Variants in CACNA1A observed in about 807,000 individuals in gnomAD.
The protein encoded by CACNA1A is calcium voltage-gated channel subunit alpha1 A.
CACNA1A carries 57 observed loss-of-function variants against 262.4 expected under a neutral mutation model. That is an observed-to-expected ratio of 0.22 (90% CI 0.18 to 0.27). The LOEUF (loss-of-function observed/expected upper bound fraction) is 0.27. Among genes scored for constraint, CACNA1A ranks in the 10% least tolerant of loss-of-function variants. The pLI, the probability that CACNA1A is intolerant of heterozygous loss-of-function variation, is 1.00. For missense variants in CACNA1A, 2,526 were observed against 3,562.8 expected, an observed-to-expected ratio of 0.71 and a Z score of 7.41; for synonymous variants, 1,431 against 1,419.3, an observed-to-expected ratio of 1.01 and a Z score of -0.18.
Position 13,214,483 on chromosome 19 carries a change from G to A in CACNA1A, c.5839+18C>T. 6.3e-7 allele frequency: 1 copy of A among 1,598,010 alleles called. No homozygotes were observed. The highest frequency in any genetic ancestry group is 2.2e-5 in the East Asian group (1 of 44,800). ...CTGTCCTGGTGGATTGGATCCCAGG[G>A]CTGGGCTCAGCTCTTACACTTGTGA... On this transcript the variant is annotated intron_variant, in intron 39 of 46. Transcript: ENST00000360228. This position sits in a 1 kb window ranked among gnomAD's most constrained non-coding sequence, Gnocchi z 4.1.
intron 46 of CACNA1A, 93 bp from the exon 47 acceptor site, chr19:13,208,146 G>A: frequency 4.6e-6 from 2 of 431,820 alleles, no homozygotes; most frequent in Non-Finnish European, 6.2e-6. Flanking sequence ...GGAGCGAAGG[G>A]AGAGGGGCCG....
intron 28 of CACNA1A, chr19:13,256,490 T>C (rs1047084944): frequency 6.6e-6 from 1 of 152,040 alleles, no homozygotes; most frequent in Admixed American, 6.6e-5. Context: ...GACTGGATTT[T>C]CTTTCCTTTT....
chr19:13,490,684 GAA>G (rs1246807711), intron 1 of CACNA1A, among the ~76,000 whole-genome samples: 3 of 95,984 alleles, frequency 3.1e-5, no homozygotes, highest in South Asian at 7.3e-4. Flanking sequence ...GAGAGAGAGA[GAA>G]AGAAAGGAAA....
At chr19:13,391,697 G>C (rs1236146751) in intron 3 of CACNA1A, among the ~76,000 whole-genome samples, 1 of 152,068 alleles carries the variant, frequency 6.6e-6, no homozygotes, top group Non-Finnish European at 1.5e-5. Flanking sequence ...AGGAGTTCAA[G>C]ACCAGCCTAG....
At chr19:13,336,598 A>AGAGAGGGAGG (rs757141936) in intron 6 of CACNA1A, among the ~76,000 whole-genome samples, 2 of 102,346 alleles carry the variant, frequency 2.0e-5, no homozygotes, top group Admixed American at 9.1e-5. Context: ...AGAGAGGGAG[A>AGAGAGGGAGG]GAGAGAGAGA....
intron 21 of CACNA1A, 113 bp from the exon 22 acceptor site, chr19:13,283,509 C>T (rs1568491969): frequency 7.3e-7 from 1 of 1,376,746 alleles, no homozygotes; most frequent in East Asian, 2.5e-5. Context: ...CCCCCAAGGC[C>T]TCCTACACAA....
At chr19:13,337,958 G>C (rs962063847) in intron 6 of CACNA1A, among the ~76,000 whole-genome samples, 1 of 152,152 alleles carries the variant, frequency 6.6e-6, no homozygotes, top group Non-Finnish European at 1.5e-5. Context: ...GGTGGCTCAC[G>C]CCTGCAATCC....
At chr19:13,441,011 C>A (rs2060709521) in intron 3 of CACNA1A, among the ~76,000 whole-genome samples, 2 of 152,116 alleles carry the variant, frequency 1.3e-5, no homozygotes, top group African/African-American at 2.4e-5. Context: ...TGGAGTTTCA[C>A]CATGTTGCCC....
At chr19:13,227,552 AC>A (rs753095102) in intron 36 of CACNA1A, 25 bp from the exon 37 acceptor site, 2 of 1,389,498 alleles carry the variant, frequency 1.4e-6, no homozygotes, top group South Asian at 1.3e-5. Context: ...AATGAAAAAA[AC>A]AAAAACAAAA....
At chr19:13,419,562 A>C (rs925979167) in intron 3 of CACNA1A, among the ~76,000 whole-genome samples, 2 of 152,152 alleles carry the variant, frequency 1.3e-5, no homozygotes, top group South Asian at 2.1e-4. Flanking sequence ...CTGTGGTTCC[A>C]GCTACTCTGG....
At chr19:13,386,235 G>A (rs1350801226) in intron 3 of CACNA1A, among the ~76,000 whole-genome samples, 1 of 151,730 alleles carries the variant, frequency 6.6e-6, no homozygotes, top group Non-Finnish European at 1.5e-5. Context: ...CTTACTGGCA[G>A]AGCCCACCTC....
chr19:13,502,507 A>C (rs573019970), intron 1 of CACNA1A, among the ~76,000 whole-genome samples: 1 of 152,222 alleles, frequency 6.6e-6, no homozygotes, highest in South Asian at 2.1e-4. Flanking sequence ...CTCCTTTTTG[A>C]GCTGACAGAT....
At chr19:13,396,131 T>C (rs1036823632) in intron 3 of CACNA1A, among the ~76,000 whole-genome samples, 7 of 152,358 alleles carry the variant, frequency 4.6e-5, no homozygotes, top group African/African-American at 1.7e-4. Flanking sequence ...AGTTGATTTT[T>C]TTCAGTGAAC....
Position 13,387,077 on chromosome 19 carries a change from G to A in CACNA1A, c.540-15298C>T, listed in dbSNP as rs1485524015. On this transcript the variant is annotated intron_variant, in intron 3 of 46. Transcript: ENST00000360228. ...AATGTTTCTCCTGCCTCAGCCTCCC[G>A]AGTAGCTGGGACTACAGGCGTGCGC... Among the ~76,000 whole-genome samples, 4 of 151,942 alleles carry A rather than the reference G, an allele frequency of 2.6e-5. No homozygotes were observed. The East Asian group carries it at 5.9e-4, about 23-fold the overall frequency.
chr19:13,296,850 C>T (rs1175837917), intron 19 of CACNA1A, among the ~76,000 whole-genome samples: 5 of 152,186 alleles, frequency 3.3e-5, no homozygotes, highest in Admixed American at 2.6e-4. Context: ...GCCTAGACAT[C>T]CTGGGCTCCA....
chr19:13,238,886 C>T (rs1197327593), intron 31 of CACNA1A, among the ~76,000 whole-genome samples: 1 of 152,150 alleles, frequency 6.6e-6, no homozygotes, highest in Non-Finnish European at 1.5e-5. Context: ...CGTGCTCAGC[C>T]TATCTCCCAG....
intron 3 of CACNA1A, among the ~76,000 whole-genome samples, chr19:13,393,562 TCCC>T (rs112610135): frequency 3.1e-5 from 3 of 97,120 alleles, no homozygotes; most frequent in Non-Finnish European, 6.3e-5. Context: ...GTTCCCTCCC[TCCC>T]CCCCTTCTTC....
chr19:13,458,326 AT>A (rs371106353), intron 1 of CACNA1A, among the ~76,000 whole-genome samples: 3,193 of 149,314 alleles, frequency 0.021, 117 homozygotes, highest in African/African-American at 0.073. Flanking sequence ...TGTGTGCCTA[AT>A]TTTTTTTTTG....
chr19:13,429,022 C>T (rs1568635303), intron 3 of CACNA1A, among the ~76,000 whole-genome samples: 1 of 151,956 alleles, frequency 6.6e-6, no homozygotes, highest in Non-Finnish European at 1.5e-5. Flanking sequence ...GCCTATGAAT[C>T]CCCCCACCAC....
Sources: allele counts gnomAD v4.1 joint callset (sites outside exome capture counted in the v4.1 genomes callset), GRCh38; gene constraint gnomAD v4.1.1; non-coding constraint Gnocchi (gnomAD v3.1); transcripts MANE v1.5; gene names NCBI Gene and HGNC (gene_info 2026-07-23, HGNC 2026-07-21).